Variants in CSTF3 observed in about 807,000 individuals in gnomAD.
CSTF3 encodes cleavage stimulation factor subunit 3, also known as CF-1 77 kDa subunit.
In CSTF3, 29 loss-of-function variants were observed where a neutral mutation model predicts 105.8. That is an observed-to-expected ratio of 0.27 (90% confidence interval 0.20 to 0.37). The LOEUF is 0.37. CSTF3 is among the 10% of genes least tolerant of loss of function. The pLI, the probability that CSTF3 is intolerant of heterozygous loss-of-function variation, is 1.00. For missense variants in CSTF3, 357 were observed against 879.3 expected, an observed-to-expected ratio of 0.41 and a Z score of 7.51; for synonymous variants, 252 against 281.9, an observed-to-expected ratio of 0.89 and a Z score of 1.06.
Position 33,137,768 on chromosome 11 carries a change from A to AT in CSTF3, c.225+3898dup, listed in dbSNP as rs965674026. The stretch of plus-strand genomic sequence containing the variant: ...GTAGATCTATAAGAAAAGAGTACAG[A>AT]TTTTTTTTGGTAAAAAGGCTGCAAG... On this transcript the variant is annotated intron_variant, in intron 3 of 20. Transcript: ENST00000323959. 5.7e-5 allele frequency among the ~76,000 whole-genome samples: 7 copies of AT among 121,882 alleles called. No homozygotes were observed. The South Asian group carries it at 7.7e-4, about 13-fold the overall frequency. The allele number at this position is 121,882 out of a possible 152,430, so 80.0% of individuals were successfully genotyped here. A position where few individuals can be genotyped will look rare whatever the true frequency, so the allele number is the denominator to read the frequency against.
chr11:33,115,745 A>T (rs1030420890), intron 3 of CSTF3, among the ~76,000 whole-genome samples: 1 of 152,146 alleles, frequency 6.6e-6, no homozygotes, highest in African/African-American at 2.4e-5. Context: ...CCTATGATAA[A>T]TTGTATTGTT....
At chr11:33,145,307 T>A (rs1171979996) in intron 1 of CSTF3, among the ~76,000 whole-genome samples, 1 of 151,824 alleles carries the variant, frequency 6.6e-6, no homozygotes, top group Non-Finnish European at 1.5e-5. Context: ...CATGGTGGCA[T>A]GCACCTATGG....
At chr11:33,137,589 TTC>T (rs1322474490) in intron 3 of CSTF3, among the ~76,000 whole-genome samples, 71 of 152,008 alleles carry the variant, frequency 4.7e-4, no homozygotes, top group African/African-American at 1.7e-3. Flanking sequence ...TATCACTCAG[TTC>T]TGTTTACAAG....
chr11:33,138,321 A>G (rs963664807), intron 3 of CSTF3, among the ~76,000 whole-genome samples: 6 of 151,798 alleles, frequency 4.0e-5, no homozygotes, highest in African/African-American at 1.4e-4. Context: ...ACATGTTGTC[A>G]CTCATCACCT....
intron 10 of CSTF3, among the ~76,000 whole-genome samples, chr11:33,101,923 A>T (rs1855285096): frequency 6.6e-6 from 1 of 152,122 alleles, no homozygotes; most frequent in Admixed American, 6.5e-5. Flanking sequence ...AAAATAAAAA[A>T]TTTCTAAAAT....
chr11:33,112,560 C>T (rs906205624), intron 3 of CSTF3, among the ~76,000 whole-genome samples: 1 of 152,076 alleles, frequency 6.6e-6, no homozygotes, highest in Non-Finnish European at 1.5e-5. Flanking sequence ...CCAGAAAGAG[C>T]AATGGTGTTA....
In CSTF3 at chr11:33,085,051, C is replaced by G; in HGVS notation, c.*36G>C. The G allele has an allele frequency of 6.2e-7, 1 of 1,609,548 alleles. No individual in the cohort carries two copies. The highest frequency in any genetic ancestry group is 1.3e-5 in the African/African-American group (1 of 74,950). ...ACATACCACTTGAGGCAAAAGGAAT[C>G]CTGGACAGGAGTTTTCTGCAGAGGC... On this transcript the variant is annotated 3_prime_UTR_variant, in exon 21 of 21. Coordinates refer to ENST00000323959, the MANE Select transcript of CSTF3 (RefSeq NM_001326.3).
chr11:33,097,583 G>T (rs1438970131), intron 13 of CSTF3, among the ~76,000 whole-genome samples: 2 of 152,160 alleles, frequency 1.3e-5, no homozygotes, highest in African/African-American at 4.8e-5. Flanking sequence ...TAGCCAGGCT[G>T]GTCTCAATCT....
In CSTF3 at chr11:33,099,461, ATGAG is replaced by A. The variant is rs1590265343; in HGVS notation, c.936+143_936+146del. Reference sequence around the variant, plus strand: ...TTTAATTCTAAGGAGGTCTAATTATATGAGTGTCACTAAGATTCATATGAACGTA... The same window carrying A: ...TTTAATTCTAAGGAGGTCTAATTATATGTCACTAAGATTCATATGAACGTA... On this transcript the variant is annotated intron_variant, in intron 11 of 20. Coordinates refer to ENST00000323959, the MANE Select transcript of CSTF3 (RefSeq NM_001326.3). This position sits in a 1 kb window ranked among gnomAD's most constrained non-coding sequence, Gnocchi z 4.1. The A allele has an allele frequency of 4.6e-6, 3 of 645,402 alleles. No individual in the cohort carries two copies. In the East Asian group the frequency reaches 9.4e-5, roughly 20 times the overall value. 40.0% of individuals were successfully genotyped at this position (645,402 alleles called of 1,614,324 possible).
chr11:33,113,803 C>G (rs987880847), intron 3 of CSTF3, among the ~76,000 whole-genome samples: 1 of 151,876 alleles, frequency 6.6e-6, no homozygotes, highest in South Asian at 2.1e-4. Flanking sequence ...TGCCTATAAT[C>G]CCAGCACTTT....
At chr11:33,158,483 C>G (rs1428986162) in intron 1 of CSTF3, among the ~76,000 whole-genome samples, 1 of 152,086 alleles carries the variant, frequency 6.6e-6, no homozygotes, top group African/African-American at 2.4e-5. Context: ...ACAAAACCAC[C>G]ATTTGCTACT....
chr11:33,151,620 T>C (rs1206382588), intron 1 of CSTF3, among the ~76,000 whole-genome samples: 2 of 152,246 alleles, frequency 1.3e-5, no homozygotes, highest in Non-Finnish European at 2.9e-5. Context: ...TTGGATTGTT[T>C]CCAGTTTTGG....
Position 33,145,696 on chromosome 11 carries a change from C to T in CSTF3, c.28-3710G>A, listed in dbSNP as rs373597728. The stretch of plus-strand genomic sequence containing the variant: ...GGGCGTGGTGGTGGGCACCTGTAGT[C>T]CCAGCTACTCAGGAGGCTGAGGCAA... On this transcript the variant is annotated intron_variant, in intron 1 of 20. Coordinates refer to ENST00000323959, the MANE Select transcript of CSTF3 (RefSeq NM_001326.3). Among the ~76,000 whole-genome samples, 6 of 152,128 alleles carry T rather than the reference C, an allele frequency of 3.9e-5. No homozygotes were observed. The South Asian group carries it at 6.2e-4, about 16-fold the overall frequency.
chr11:33,161,068 ACCG>A (rs1164469822), intron 1 of CSTF3, among the ~76,000 whole-genome samples: 3 of 152,122 alleles, frequency 2.0e-5, no homozygotes, highest in African/African-American at 7.2e-5. Context: ...GAAGCAGCCT[ACCG>A]CTATTGTCTA....
chr11:33,095,905 A>C (rs1294956343), intron 15 of CSTF3, among the ~76,000 whole-genome samples: 3 of 152,112 alleles, frequency 2.0e-5, no homozygotes, highest in African/African-American at 7.2e-5. Context: ...GTATCCTCAA[A>C]GTGTTTTACT....
At chr11:33,113,984 C>T (rs534599525) in intron 3 of CSTF3, among the ~76,000 whole-genome samples, 1 of 152,158 alleles carries the variant, frequency 6.6e-6, no homozygotes, top group Non-Finnish European at 1.5e-5. Context: ...CTTTTGAATA[C>T]TTCATATTTC....
intron 1 of CSTF3, among the ~76,000 whole-genome samples, chr11:33,157,254 C>T (rs1283216674): frequency 2.0e-5 from 3 of 152,138 alleles, no homozygotes; most frequent in African/African-American, 7.2e-5. Flanking sequence ...ACTCAAGAGG[C>T]TGAGGCAGGA....
intron 3 of CSTF3, among the ~76,000 whole-genome samples, chr11:33,109,694 TATCATTTACTTTTATTACCACAAA>T (rs1855360978): frequency 6.6e-6 from 1 of 152,192 alleles, no homozygotes; most frequent in South Asian, 2.1e-4. Context: ...ACTGAGTAAT[TATCATTTACTTTTATTACCACAAA>T]ATCTGCTTGG....
intron 13 of CSTF3, 36 bp from the exon 14 acceptor site, chr11:33,097,014 G>A: frequency 6.7e-7 from 1 of 1,497,134 alleles, no homozygotes; most frequent in Non-Finnish European, 9.1e-7. Flanking sequence ...CTATAAATTA[G>A]ACAGTATGTT....
Sources: gnomAD v4.1 joint callset for allele counts (sites outside exome capture counted in the v4.1 genomes callset) on GRCh38, gnomAD v4.1.1 for gene constraint, Gnocchi (gnomAD v3.1) non-coding constraint, MANE v1.5 for transcripts, NCBI Gene and HGNC (gene_info 2026-07-23, HGNC 2026-07-21) for gene names.